The following HECW2 variants were observed in gnomAD, a reference collection of about 807,000 sequenced individuals.
HECW2 encodes HECT, C2 and WW domain containing E3 ubiquitin protein ligase 2.
Under a neutral mutation model 175.2 loss-of-function variants are expected in HECW2, and 61 were observed. The ratio of observed to expected loss-of-function variants is 0.35; its 90% CI spans 0.28 to 0.43. The LOEUF (loss-of-function observed/expected upper bound fraction) is 0.43. HECW2 is among the 20% of genes least tolerant of loss of function. The pLI, the probability that HECW2 is intolerant of heterozygous loss-of-function variation, is 1.00. For synonymous variants in HECW2, 671 were observed against 731.0 expected, an observed-to-expected ratio of 0.92 and a Z score of 1.32; for missense variants, 1,524 against 2,000.5, an observed-to-expected ratio of 0.76 and a Z score of 4.54.
chr2:196,522,290 A>C (rs1688429905), intron 1 of HECW2, among the ~76,000 whole-genome samples: 1 of 152,156 alleles, frequency 6.6e-6, no homozygotes, highest in Non-Finnish European at 1.5e-5. Context: ...TCTTTTGAGA[A>C]GTGTCTGTTC....
intron 2 of HECW2, among the ~76,000 whole-genome samples, chr2:196,389,286 G>A (rs1404042444): frequency 1.3e-5 from 2 of 152,182 alleles, no homozygotes; most frequent in South Asian, 4.1e-4. Context: ...AAATGGATGT[G>A]TTACCAAGAA....
At chr2:196,266,136 ACCTG>A (rs1689503464) in intron 17 of HECW2, among the ~76,000 whole-genome samples, 1 of 150,908 alleles carries the variant, frequency 6.6e-6, no homozygotes, top group African/African-American at 2.4e-5. Flanking sequence ...TTCAAAATGA[ACCTG>A]TACAACATAG....
At chr2:196,247,053 G>A (rs1688673775) in intron 19 of HECW2, among the ~76,000 whole-genome samples, 1 of 152,016 alleles carries the variant, frequency 6.6e-6, no homozygotes, top group Non-Finnish European at 1.5e-5. Flanking sequence ...ATGAGGTCAG[G>A]AGATCGAGAC....
chr2:196,555,714 T>C (rs575521357), intron 1 of HECW2, among the ~76,000 whole-genome samples: 7 of 152,332 alleles, frequency 4.6e-5, no homozygotes, highest in African/African-American at 1.7e-4. Context: ...AAGTATTTTT[T>C]AAAAAGAAAA....
rs374271656 is a variant in HECW2, at chr2:196,381,580, C to T, written c.293-37816G>A. On this transcript the variant is annotated intron_variant, in intron 2 of 28. Coordinates refer to ENST00000644978, the MANE Select transcript of HECW2 (RefSeq NM_001348768.2). ...TTATATTATAATAAATAAAAGTAGA[C>T]GAAAAGTTCTGGGAAGTCAGGAAGC... Among the ~76,000 whole-genome samples, 14 of 152,070 alleles carry T rather than the reference C, an allele frequency of 9.2e-5. No homozygotes were observed. In the East Asian group the frequency reaches 1.4e-3, roughly 15 times the overall value.
intron 1 of HECW2, among the ~76,000 whole-genome samples, chr2:196,461,490 T>G (rs80109168): frequency 2.0e-5 from 3 of 152,352 alleles, no homozygotes; most frequent in African/African-American, 7.2e-5. Flanking sequence ...CACTCCTAAT[T>G]ATTTACTCCA....
At chr2:196,543,732 C>T (rs1170225054) in intron 1 of HECW2, among the ~76,000 whole-genome samples, 1 of 152,180 alleles carries the variant, frequency 6.6e-6, no homozygotes, top group Admixed American at 6.5e-5. Context: ...CCTGCCTCAG[C>T]CTCCCGAGTA....
intron 2 of HECW2, among the ~76,000 whole-genome samples, chr2:196,367,932 A>AT (rs1693793230): frequency 6.6e-6 from 1 of 151,708 alleles, no homozygotes; most frequent in Non-Finnish European, 1.5e-5. Context: ...ATACATAGAT[A>AT]CATATATATA....
chr2:196,382,450 C>T (rs189627141), intron 2 of HECW2, among the ~76,000 whole-genome samples: 30 of 151,764 alleles, frequency 2.0e-4, no homozygotes, highest in Middle Eastern at 3.4e-3. Context: ...CGAAAAAAGG[C>T]CTCTGGTTAT....
chr2:196,224,187 C>A (rs1417009036), intron 23 of HECW2, among the ~76,000 whole-genome samples: 2 of 152,066 alleles, frequency 1.3e-5, no homozygotes, highest in Admixed American at 6.5e-5. Context: ...CCAGAGTGGC[C>A]TGAGAATAGT....
intron 14 of HECW2, among the ~76,000 whole-genome samples, chr2:196,287,649 T>C (rs1332676609): frequency 1.3e-5 from 2 of 152,228 alleles, no homozygotes; most frequent in African/African-American, 4.8e-5. Context: ...CAAGTCATCT[T>C]GTAGCATTCT....
At position 196,325,028 on chromosome 2, in the gene HECW2, T is replaced by C; in HGVS notation, c.693A>G (p.Arg231=). ...FPTCAHHGQE[R]RSTIISNTTN... is the part of the protein sequence containing the mutation. ...TGGTGTTACTGATGATAGTAGACCG[T>C]CTCTCCTGCCCGTGGTGGGCACAGG... Residue 231 remains arginine, a synonymous_variant, in exon 6 of 29, where the codon AGA becomes AGG. Transcript: ENST00000644978. The C allele has an allele frequency of 6.2e-7, 1 of 1,608,000 alleles. No individual in the cohort carries two copies. The highest frequency in any genetic ancestry group is 8.5e-7 in the Non-Finnish European group (1 of 1,178,154).
At chr2:196,349,184 C>T (rs1203456293) in intron 2 of HECW2, among the ~76,000 whole-genome samples, 4 of 152,186 alleles carry the variant, frequency 2.6e-5, no homozygotes. Flanking sequence ...TATTCTCCTG[C>T]TTTTGTCTTT....
At position 196,320,328 on chromosome 2, in the gene HECW2, T is replaced by A; in HGVS notation, c.985+11A>T. The A allele has an allele frequency of 1.3e-6, 2 of 1,492,726 alleles. No individual in the cohort carries two copies. Among genetic ancestry groups the A allele is most frequent in the Middle Eastern group, 3.9e-4 (2 of 5,078 alleles). 92.5% of individuals were successfully genotyped at this position (1,492,726 alleles called of 1,614,324 possible). Reference sequence around the variant, plus strand: ...TAGCAATGTATTCATACAGATATATTTATATCTCACCTTCATGAACAGAAG... The same window carrying A: ...TAGCAATGTATTCATACAGATATATATATATCTCACCTTCATGAACAGAAG... On this transcript the variant is annotated intron_variant, in intron 8 of 28. Transcript: ENST00000644978.
intron 1 of HECW2, among the ~76,000 whole-genome samples, chr2:196,511,217 A>T (rs1456131501): frequency 6.6e-6 from 1 of 152,242 alleles, no homozygotes; most frequent in Non-Finnish European, 1.5e-5. Context: ...CTGACTGATA[A>T]TCATATAGGT....
chr2:196,433,863 AT>A (rs1695791434), intron 1 of HECW2, among the ~76,000 whole-genome samples: 1 of 152,210 alleles, frequency 6.6e-6, no homozygotes, highest in Non-Finnish European at 1.5e-5. Flanking sequence ...AGCGAGACAC[AT>A]GCTAAATACA....
At chr2:196,346,933 G>A (rs1404215317) in intron 2 of HECW2, among the ~76,000 whole-genome samples, 4 of 147,916 alleles carry the variant, frequency 2.7e-5, no homozygotes, top group Non-Finnish European at 5.9e-5. Flanking sequence ...GCTTGAACCC[G>A]AGAGGTGGAG....
chr2:196,512,693 CT>C (rs753919610), intron 1 of HECW2, among the ~76,000 whole-genome samples: 335 of 144,692 alleles, frequency 2.3e-3, no homozygotes, highest in Middle Eastern at 0.011. Context: ...CCAGATTATA[CT>C]TTTTTTTTTT....
intron 1 of HECW2, among the ~76,000 whole-genome samples, chr2:196,541,477 A>G (rs1192947363): frequency 6.6e-6 from 1 of 152,118 alleles, no homozygotes; most frequent in East Asian, 1.9e-4. Context: ...TCTAGAAGAA[A>G]TCTTATCTCA....
Sources: gnomAD v4.1 joint callset for allele counts (sites outside exome capture counted in the v4.1 genomes callset) on GRCh38, gnomAD v4.1.1 for gene constraint, MANE v1.5 for transcripts, NCBI Gene and HGNC (gene_info 2026-07-23, HGNC 2026-07-21) for gene names.